TRPM3: variants seen among roughly 807,000 people sequenced by gnomAD.
TRPM3 encodes transient receptor potential cation channel subfamily M member 3, also known as long transient receptor potential channel 3.
In TRPM3, 77 loss-of-function variants were observed where a neutral mutation model predicts 181.2. That is an observed-to-expected ratio of 0.42 (90% CI 0.35 to 0.51). The LOEUF (loss-of-function observed/expected upper bound fraction) is 0.51. TRPM3 is among the 20% of genes least tolerant of loss of function. The pLI is 0.01. For missense variants in TRPM3, 1,759 were observed against 2,196.7 expected, an observed-to-expected ratio of 0.80 and a Z score of 3.98; for synonymous variants, 745 against 796.4, an observed-to-expected ratio of 0.94 and a Z score of 1.09.
At chr9:70,758,289 A>G (rs1021187026) in intron 8 of TRPM3, among the ~76,000 whole-genome samples, 1 of 152,112 alleles carries the variant, frequency 6.6e-6, no homozygotes, top group Non-Finnish European at 1.5e-5. Context: ...TGAAGGACCT[A>G]TTCAAGGAGA....
At chr9:71,032,917 A>G (rs1222950558) in intron 1 of TRPM3, among the ~76,000 whole-genome samples, 1 of 152,186 alleles carries the variant, frequency 6.6e-6, no homozygotes, top group Non-Finnish European at 1.5e-5. Context: ...CCATTTAGCT[A>G]CCTACCTATT....
chr9:70,832,610 A>G (rs944479183), intron 5 of TRPM3, among the ~76,000 whole-genome samples: 3 of 152,304 alleles, frequency 2.0e-5, no homozygotes, highest in African/African-American at 7.2e-5. Context: ...ATTAGTATGG[A>G]CATCATCATT....
At chr9:71,244,698 T>C (rs1303949187) in intron 1 of TRPM3, among the ~76,000 whole-genome samples, 1 of 152,218 alleles carries the variant, frequency 6.6e-6, no homozygotes, top group Non-Finnish European at 1.5e-5. Flanking sequence ...AGGCAATTTC[T>C]TTCCAGCAAA....
intron 8 of TRPM3, among the ~76,000 whole-genome samples, chr9:70,738,051 C>T (rs1257945972): frequency 6.6e-6 from 1 of 152,094 alleles, no homozygotes; most frequent in Non-Finnish European, 1.5e-5. Flanking sequence ...AACATTCTAC[C>T]CAACAAAGGC....
chr9:70,803,097 A>T (rs2089666969), intron 6 of TRPM3, among the ~76,000 whole-genome samples: 1 of 149,260 alleles, frequency 6.7e-6, no homozygotes, highest in Non-Finnish European at 1.5e-5. Context: ...AAGGGGAAGA[A>T]GAGAAGGGCA....
rs1177545043 is a variant in TRPM3 at position 70,974,863 on chromosome 9, A to ATTTTTTTTTTTTTTTTTT, written c.178-110370_178-110353dup. Reference sequence around the variant, plus strand: ...GTTCCACAGGAGTGATGGAACATCAATTTTTTTTTTTTTTTTTTTTGAGGT... The same window carrying ATTTTTTTTTTTTTTTTTT: ...GTTCCACAGGAGTGATGGAACATCAATTTTTTTTTTTTTTTTTTTTTTTTTTTTTTTTTTTTTTGAGGT... On this transcript the variant is annotated intron_variant, in intron 1 of 25. Coordinates refer to ENST00000677713, the MANE Select transcript of TRPM3 (RefSeq NM_001366145.2). Among the ~76,000 whole-genome samples, 21 of 117,958 alleles carry ATTTTTTTTTTTTTTTTTT rather than the reference A, an allele frequency of 1.8e-4. 1 individual carries two copies. The highest frequency in any genetic ancestry group is 4.7e-4 in the African/African-American group (15 of 31,672). The allele number at this position is 117,958 out of a possible 152,430, so 77.4% of individuals were successfully genotyped here. A position where few individuals can be genotyped will look rare whatever the true frequency, so the allele number is the denominator to read the frequency against.
intron 3 of TRPM3, among the ~76,000 whole-genome samples, chr9:70,860,494 C>T (rs978728475): frequency 6.6e-6 from 1 of 152,112 alleles, no homozygotes; most frequent in African/African-American, 2.4e-5. Flanking sequence ...AATTACTATC[C>T]TCATTTTACA....
intron 18 of TRPM3, among the ~76,000 whole-genome samples, chr9:70,612,342 GA>G (rs1034688143): frequency 1.3e-5 from 2 of 152,174 alleles, no homozygotes; most frequent in African/African-American, 2.4e-5. Context: ...GACTGACAAG[GA>G]TTTGGGGCAA....
chr9:70,847,638 T>C (rs1187632264), intron 3 of TRPM3, among the ~76,000 whole-genome samples: 1 of 151,346 alleles, frequency 6.6e-6, no homozygotes, highest in Non-Finnish European at 1.5e-5. Context: ...AAAGGGCTCA[T>C]CCTCAAGTAT....
intron 1 of TRPM3, among the ~76,000 whole-genome samples, chr9:71,409,162 T>C (rs2093494144): frequency 6.6e-6 from 1 of 151,954 alleles, no homozygotes; most frequent in Non-Finnish European, 1.5e-5. Context: ...ACATGACAAA[T>C]TGTAAAGACC....
intron 1 of TRPM3, among the ~76,000 whole-genome samples, chr9:71,399,423 A>G (rs2093280149): frequency 6.6e-6 from 1 of 152,134 alleles, no homozygotes; most frequent in Non-Finnish European, 1.5e-5. Context: ...TTATGTATTC[A>G]ATATAGATTC....
intron 1 of TRPM3, among the ~76,000 whole-genome samples, chr9:71,224,535 T>C (rs2080456869): frequency 6.6e-6 from 1 of 152,268 alleles, no homozygotes; most frequent in African/African-American, 2.4e-5. Context: ...TAGGAAAATA[T>C]GACCTCACCA....
At chr9:71,312,357 C>T (rs770356309) in intron 1 of TRPM3, among the ~76,000 whole-genome samples, 1 of 152,088 alleles carries the variant, frequency 6.6e-6, no homozygotes, top group Non-Finnish European at 1.5e-5. Context: ...TGAGATATTA[C>T]TGCATATCTA....
intron 1 of TRPM3, among the ~76,000 whole-genome samples, chr9:70,870,026 T>G (rs1242894956): frequency 6.6e-6 from 1 of 152,142 alleles, no homozygotes; most frequent in Non-Finnish European, 1.5e-5. Context: ...TCCAAAGGAC[T>G]TTTCTCTTCC....
At chr9:71,068,686 C>G (rs1451929725) in intron 1 of TRPM3, among the ~76,000 whole-genome samples, 1 of 152,162 alleles carries the variant, frequency 6.6e-6, no homozygotes, top group Non-Finnish European at 1.5e-5. Context: ...CCTGGGATAA[C>G]AGTGTTCTGG....
At chr9:71,117,813 T>C (rs574081941) in intron 1 of TRPM3, among the ~76,000 whole-genome samples, 2 of 152,304 alleles carry the variant, frequency 1.3e-5, no homozygotes, top group East Asian at 3.9e-4. Flanking sequence ...TTAAATATCT[T>C]TCCAAAATCT....
At chr9:70,943,903 C>T (rs894509364) in intron 1 of TRPM3, among the ~76,000 whole-genome samples, 20 of 152,104 alleles carry the variant, frequency 1.3e-4, no homozygotes, top group Admixed American at 9.2e-4. Flanking sequence ...CCTCAGCCTC[C>T]CAAGTAGCTG....
intron 1 of TRPM3, among the ~76,000 whole-genome samples, chr9:71,309,156 A>G (rs1488775362): frequency 1.3e-5 from 2 of 152,116 alleles, no homozygotes; most frequent in East Asian, 3.8e-4. Flanking sequence ...TTGCTTCCAG[A>G]TTACTTATAC....
chr9:70,866,671 A>T (rs2095656376), intron 1 of TRPM3, among the ~76,000 whole-genome samples: 2 of 152,046 alleles, frequency 1.3e-5, no homozygotes, highest in Non-Finnish European at 2.9e-5. Flanking sequence ...GGAACCCACA[A>T]GCCCTGGCTG....
Sources: gnomAD v4.1 joint callset for allele counts (sites outside exome capture counted in the v4.1 genomes callset) on GRCh38, gnomAD v4.1.1 for gene constraint, MANE v1.5 for transcripts, NCBI Gene and HGNC (gene_info 2026-07-23, HGNC 2026-07-21) for gene names.